Variants in DIDO1 observed in about 807,000 individuals in gnomAD.
The protein encoded by DIDO1 is death inducer-obliterator 1.
DIDO1 carries 16 observed loss-of-function variants against 99.4 expected under a neutral mutation model. That is an observed-to-expected ratio of 0.16 (90% CI 0.11 to 0.24). The LOEUF (loss-of-function observed/expected upper bound fraction) is 0.24, where lower values mean the gene tolerates loss of function less well. Ranked by LOEUF, DIDO1 falls within the 10% of genes least tolerant of loss-of-function variation. The probability of loss-of-function intolerance (pLI) is 1.00; values close to 1 mark genes in which losing one functional copy is unlikely to be tolerated. For missense variants in DIDO1, 2,996 were observed against 3,014.0 expected, an observed-to-expected ratio of 0.99 and a Z score of 0.14; for synonymous variants, 1,366 against 1,239.1, an observed-to-expected ratio of 1.10 and a Z score of -2.15.
chr20:62,922,487 C>T (rs892756314), intron 1 of DIDO1, among the ~76,000 whole-genome samples: 3 of 152,116 alleles, frequency 2.0e-5, no homozygotes. Flanking sequence ...TCAACCCCAG[C>T]TGCAAACGAT....
At chr20:62,923,907 A>G (rs543831347) in intron 1 of DIDO1, among the ~76,000 whole-genome samples, 6 of 152,346 alleles carry the variant, frequency 3.9e-5, no homozygotes, top group Admixed American at 1.3e-4. Flanking sequence ...TTTTATGGAC[A>G]TGGTTACAGA....
rs747119018 is a variant in DIDO1, at chr20:62,896,413, G to T, written c.2055-21C>A. ...TGACTCTGAACAGAATAAAAAAAAG[G>T]AACTACATAAGACACTTGTGTATAT... On this transcript the variant is annotated intron_variant, in intron 7 of 15. Coordinates refer to ENST00000395343, the MANE Select transcript of DIDO1 (RefSeq NM_001193369.2). This position sits in a 1 kb window ranked among gnomAD's most constrained non-coding sequence, Gnocchi z 4.4. 41 of 1,605,232 alleles carry T rather than the reference G, an allele frequency of 2.6e-5. No homozygotes were observed. The highest frequency in any genetic ancestry group is 3.5e-5 in the Non-Finnish European group (41 of 1,177,978).
upstream of DIDO1, chr20:62,929,028 G>C (rs1341547045): frequency 1.3e-5 from 2 of 152,164 alleles, no homozygotes; most frequent in Non-Finnish European, 2.9e-5. Context: ...GTCCGCAGCA[G>C]AATACCCTGA....
chr20:62,932,033 A>G (rs1391359338), intron 1 of DIDO1, among the ~76,000 whole-genome samples: 1 of 152,158 alleles, frequency 6.6e-6, no homozygotes, highest in Admixed American at 6.5e-5. Flanking sequence ...AAGACACCCA[A>G]ATGGGAACTG....
chr20:62,907,169 C>G lies in DIDO1; in HGVS notation c.1352G>C (p.Ser451Thr), dbSNP rs949929713. The change falls in exon 5 of 16, where the codon AGT becomes ACT. Residue 451 changes from serine to threonine, a missense_variant. Coordinates refer to ENST00000395343, the MANE Select transcript of DIDO1 (RefSeq NM_001193369.2). ...EKMKMKPEKP[S>T]LPKCGAQAGI... ...CACCTGAGCACCGCATTTCGGAAGA[C>G]TGGGCTTCTCTGGCTTCATCTTCAT... 3.1e-6 allele frequency: 5 copies of G among 1,614,282 alleles called. No homozygotes were observed. Among genetic ancestry groups the G allele is most frequent in the Non-Finnish European group, 4.2e-6 (5 of 1,180,060 alleles).
At chr20:62,886,643 A>C (rs987141390) in intron 15 of DIDO1, among the ~76,000 whole-genome samples, 1 of 152,028 alleles carries the variant, frequency 6.6e-6, no homozygotes, top group African/African-American at 2.4e-5. Flanking sequence ...CTTCTTACTA[A>C]ATGAACCACC....
rs1261769856 is a variant in DIDO1, at chr20:62,879,685, A to G, written c.6271T>C (p.Phe2091Leu). Residue 2091 changes from phenylalanine to leucine, a missense_variant, in exon 16 of 16, where the codon TTT becomes CTT. Phe to Leu is a conservative substitution (Grantham distance 22). Around this residue, in one of 5 missense-constraint regions of DIDO1, gnomAD observed 1,562 missense variants for 1,412.6 expected, o/e 1.11. Transcript: ENST00000395343. This position sits in a 1 kb window ranked among gnomAD's most constrained non-coding sequence, Gnocchi z 6.3. ...QTFEGRQRER[F>L]DVGPKEKPLE... ...GGCTTCTCTTTGGGCCCCACGTCAA[A>G]CCGCTCTCTCTGCCTCCCTTCGAAA... is the stretch of plus-strand genomic sequence containing the variant. 1 of 1,608,852 alleles carries G rather than the reference A, an allele frequency of 6.2e-7. No individual in the cohort carries two copies. The highest frequency in any genetic ancestry group is 1.7e-5 in the Admixed American group (1 of 59,908).
At chr20:62,921,482 T>C (rs2065135040) in intron 1 of DIDO1, among the ~76,000 whole-genome samples, 1 of 152,178 alleles carries the variant, frequency 6.6e-6, no homozygotes. Context: ...ACACCCTGTC[T>C]ACTCTCATTC....
At position 62,894,294 on chromosome 20, in the gene DIDO1, C is replaced by A. The variant is rs2147403501; in HGVS notation, c.2573-100G>T. The A allele has an allele frequency of 3.2e-6, 5 of 1,569,176 alleles. No individual in the cohort carries two copies. The South Asian group carries it at 5.8e-5, about 18-fold the overall frequency. The stretch of plus-strand genomic sequence containing the variant: ...ATACTCTAAAGGCAGGGCAGGAAAT[C>A]ATTCTGGCCCTTCTGCGTGTTTAAG... On this transcript the variant is annotated intron_variant, in intron 11 of 15. Coordinates refer to ENST00000395343, the MANE Select transcript of DIDO1 (RefSeq NM_001193369.2). The surrounding 1 kb of genome is among the most constrained non-coding windows in gnomAD (Gnocchi z 4.4).
At chr20:62,934,099 C>G (rs372965382) in intron 1 of DIDO1, among the ~76,000 whole-genome samples, 6 of 152,200 alleles carry the variant, frequency 3.9e-5, no homozygotes, top group African/African-American at 1.4e-4. Flanking sequence ...ATCCAGCAGG[C>G]TGAAGTCCTT....
Position 62,892,864 on chromosome 20 carries a change from G to A in DIDO1, c.3200C>T (p.Ala1067Val). 1 of 1,614,012 alleles carries A rather than the reference G, an allele frequency of 6.2e-7. No homozygotes were observed. Among genetic ancestry groups the A allele is most frequent in the Non-Finnish European group, 8.5e-7 (1 of 1,179,994 alleles). The change falls in exon 13 of 16, where the codon GCA becomes GTA. Residue 1067 changes from alanine to valine, a missense_variant. Physicochemically the swap from Ala to Val is moderately conservative, Grantham distance 64. Transcript: ENST00000395343. The stretch of plus-strand genomic sequence containing the variant: ...AGGATACGCCTTAGTGACAAATTTT[G>A]CCACACTCTGCATGTTAATAAATCC... The part of the protein sequence containing the change: ...WKGFINMQSV[A>V]KFVTKAYPVS...
rs1317040067 is a variant in DIDO1 at position 62,879,016 on chromosome 20, A to C, written c.*217T>G. 7.6e-5 allele frequency: 35 copies of C among 461,786 alleles called. No homozygotes were observed. The highest frequency in any genetic ancestry group is 1.2e-4 in the Non-Finnish European group (33 of 271,516). The allele number at this position is 461,786 out of a possible 1,614,324, so 28.6% of individuals were successfully genotyped here. A position where few individuals can be genotyped will look rare whatever the true frequency, so the allele number is the denominator to read the frequency against. ...CCGTAGGCAATTTCCCATTTCTTTT[A>C]ATTTTAAATGGAAATATTAAAGTTT... On this transcript the variant is annotated 3_prime_UTR_variant, in exon 16 of 16. Transcript: ENST00000395343. This position sits in a 1 kb window ranked among gnomAD's most constrained non-coding sequence, Gnocchi z 6.3.
rs2064214307 is a variant in DIDO1 at position 62,881,928 on chromosome 20, G to A, written c.4028C>T (p.Pro1343Leu). 2 of 1,613,440 alleles carry A rather than the reference G, an allele frequency of 1.2e-6. No individual in the cohort carries two copies. Among genetic ancestry groups the A allele is most frequent in the Non-Finnish European group, 1.7e-6 (2 of 1,180,038 alleles). The change falls in exon 16 of 16, where the codon CCC becomes CTC. Residue 1343 changes from proline (P) to leucine (L), a missense_variant. This residue lies in a region of DIDO1 where 1,562 missense variants were observed against 1,412.6 expected (regional missense o/e 1.11). Coordinates refer to ENST00000395343, the MANE Select transcript of DIDO1 (RefSeq NM_001193369.2). The surrounding 1 kb of genome is among the most constrained non-coding windows in gnomAD (Gnocchi z 8.3). ...REPPGSTAGL[P>L]QEPKTTAEDG... ...CTCTGCTGTGGTTTTGGGCTCCTGG[G>A]GGAGACCTGCGGTGGACCCGGGAGG...
At chr20:62,889,669 G>A (rs1356855875) in intron 15 of DIDO1, 1 of 985,384 alleles carries the variant, frequency 1.0e-6, no homozygotes, top group Non-Finnish European at 1.2e-6. Context: ...CTGGTCACGT[G>A]GAGCTGGCCA....
chr20:62,882,191 G>A lies in DIDO1; in HGVS notation c.3765C>T (p.Thr1255=), dbSNP rs2064220453. Residue 1255 remains threonine (T), a synonymous_variant, in exon 16 of 16, where the codon ACC becomes ACT. Transcript: ENST00000395343. ...GAGGCGGCGGCGACCCAGGAGGTGTGGTGCTGACAGCCGCGTCTGCAGAGC... is the reference window on the plus strand; with the variant it reads ...GAGGCGGCGGCGACCCAGGAGGTGTAGTGCTGACAGCCGCGTCTGCAGAGC... ...PLCSADAAVS[T]TPPGSPPPPP... is the part of the protein sequence containing the mutation. The A allele has an allele frequency of 6.2e-7, 1 of 1,613,596 alleles. No individual in the cohort carries two copies. Among genetic ancestry groups the A allele is most frequent in the Non-Finnish European group, 8.5e-7 (1 of 1,180,040 alleles).
At chr20:62,922,192 G>A (rs1435567955) in intron 1 of DIDO1, among the ~76,000 whole-genome samples, 5 of 138,862 alleles carry the variant, frequency 3.6e-5, no homozygotes, top group Admixed American at 2.2e-4. Flanking sequence ...ATGTGTGTGT[G>A]TGTGTATATA....
chr20:62,923,182 A>AT (rs1287103706), intron 1 of DIDO1, among the ~76,000 whole-genome samples: 5 of 151,118 alleles, frequency 3.3e-5, no homozygotes, highest in African/African-American at 1.2e-4. Flanking sequence ...CCTAATTATT[A>AT]TTATTTTTTT....
In DIDO1 at chr20:62,894,697, A is replaced by G; in HGVS notation, c.2436+113T>C. ...AATACAAGGACTGAGGAATGCCACA[A>G]TGACATACACCTGCTGTAAGCTCAG... is the stretch of plus-strand genomic sequence containing the variant. On this transcript the variant is annotated intron_variant, in intron 10 of 15. Coordinates refer to ENST00000395343, the MANE Select transcript of DIDO1 (RefSeq NM_001193369.2). The surrounding 1 kb of genome is among the most constrained non-coding windows in gnomAD (Gnocchi z 4.4). 3 of 1,407,190 alleles carry G rather than the reference A, an allele frequency of 2.1e-6. No individual in the cohort carries two copies. Among genetic ancestry groups the G allele is most frequent in the Non-Finnish European group, 2.9e-6 (3 of 1,040,598 alleles). The allele number at this position is 1,407,190 out of a possible 1,614,324, so 87.2% of individuals were successfully genotyped here.
Position 62,911,519 on chromosome 20 carries a change from T to C in DIDO1, c.94A>G (p.Thr32Ala). 6.2e-7 allele frequency: 1 copy of C among 1,612,748 alleles called. No individual in the cohort carries two copies. The change falls in exon 3 of 16, where the codon ACC becomes GCC. Residue 32 changes from threonine to alanine, a missense_variant. By Grantham distance (58) the Thr-to-Ala change is moderately conservative (BLOSUM62 0). This residue lies in a region of DIDO1 where 388 missense variants were observed against 376.6 expected (regional missense o/e 1.03). Transcript: ENST00000395343. This position sits in a 1 kb window ranked among gnomAD's most constrained non-coding sequence, Gnocchi z 7.0. ...GCGCCCTCTCGCTTGGCGATAGTGG[T>C]CCTTCGAAAACCCCATGTTTTCCTG... The part of the protein sequence containing the change: ...EFRKTWGFRR[T>A]TIAKREGAGD...
Sources: allele counts gnomAD v4.1 joint callset (sites outside exome capture counted in the v4.1 genomes callset), GRCh38; gene constraint gnomAD v4.1.1; regional missense constraint gnomAD v4.1.1; non-coding constraint Gnocchi (gnomAD v3.1); transcripts MANE v1.5; gene names NCBI Gene and HGNC (gene_info 2026-07-23, HGNC 2026-07-21).